SLIT3: variants seen among roughly 807,000 people sequenced by gnomAD.
The protein encoded by SLIT3 is slit homolog 3 protein.
A neutral mutation model predicts 184.0 loss-of-function variants in SLIT3; 68 were observed. That is an observed-to-expected ratio of 0.37 (90% CI 0.30 to 0.45). The LOEUF is 0.45. SLIT3 is among the 20% of genes least tolerant of loss of function. The pLI is 1.00. For missense variants in SLIT3, 1,707 were observed against 2,026.0 expected, an observed-to-expected ratio of 0.84 and a Z score of 3.02; for synonymous variants, 831 against 828.6, an observed-to-expected ratio of 1.00 and a Z score of -0.05.
At chr5:169,262,426 G>C (rs1213697066) in intron 1 of SLIT3, among the ~76,000 whole-genome samples, 5 of 152,136 alleles carry the variant, frequency 3.3e-5, no homozygotes, top group African/African-American at 2.4e-5. Flanking sequence ...TTGAAGGACA[G>C]GCTGAAGGGA....
chr5:169,186,944 G>A (rs1232030459), intron 4 of SLIT3, among the ~76,000 whole-genome samples: 1 of 151,986 alleles, frequency 6.6e-6, no homozygotes, highest in Non-Finnish European at 1.5e-5. Context: ...GGTGCCTGGG[G>A]ATTAACTTTC....
chr5:168,818,749 G>C (rs1280643417), intron 7 of SLIT3, among the ~76,000 whole-genome samples: 1 of 152,210 alleles, frequency 6.6e-6, no homozygotes, highest in Non-Finnish European at 1.5e-5. Flanking sequence ...GCTCCACTTA[G>C]TGTAAGGTCA....
intron 4 of SLIT3, among the ~76,000 whole-genome samples, chr5:169,168,299 A>G (rs1055506258): frequency 6.6e-6 from 1 of 152,234 alleles, no homozygotes; most frequent in African/African-American, 2.4e-5. Context: ...CATTCTTAAT[A>G]AGGTGAAAAA....
In SLIT3 at chr5:168,707,998, C is replaced by G; in HGVS notation, c.2822G>C (p.Cys941Ser). The G allele has an allele frequency of 6.2e-7, 1 of 1,614,158 alleles. No individual in the cohort carries two copies. The highest frequency in any genetic ancestry group is 8.5e-7 in the Non-Finnish European group (1 of 1,180,022). Residue 941 changes from cysteine (C) to serine (S), a missense_variant, in exon 26 of 36, where the codon TGT becomes TCT. This residue lies in a region of SLIT3 where 1,307 missense variants were observed against 1,511.6 expected (regional missense o/e 0.86). Transcript: ENST00000519560. ...TACCTTGTAGCTGTAGGGGCAGGCA[C>G]AGCGGTACAGCTCCACAGGGTCCTG... ...CTQDPVELYR[C>S]ACPYSYKGKD...
At chr5:168,910,104 G>A (rs1405731342) in intron 4 of SLIT3, among the ~76,000 whole-genome samples, 4 of 152,192 alleles carry the variant, frequency 2.6e-5, no homozygotes, top group Non-Finnish European at 5.9e-5. Context: ...CTGAAAACAA[G>A]CTTCTTAAAA....
chr5:169,089,315 G>T (rs77735097), intron 4 of SLIT3, among the ~76,000 whole-genome samples: 11,867 of 152,024 alleles, frequency 0.078, 925 homozygotes, highest in African/African-American at 0.18. Context: ...ACCTCTTCCT[G>T]AGAGTGTCTA....
Position 169,156,948 on chromosome 5 carries a change from A to G in SLIT3, c.413+36531T>C, listed in dbSNP as rs527638165. Among the ~76,000 whole-genome samples, 14 of 152,286 alleles carry G rather than the reference A, an allele frequency of 9.2e-5. No individual in the cohort carries two copies. In the South Asian group the frequency reaches 2.7e-3, roughly 29 times the overall value. The stretch of plus-strand genomic sequence containing the variant: ...TCTCTGGGTTTTCCTTTTGCTTCAT[A>G]TATCTCCAACCTGGCAGCTTAGTAA... On this transcript the variant is annotated intron_variant, in intron 4 of 35. Transcript: ENST00000519560.
At chr5:169,006,605 T>TCTCA (rs899753279) in intron 4 of SLIT3, among the ~76,000 whole-genome samples, 255 of 145,876 alleles carry the variant, frequency 1.7e-3, no homozygotes, top group African/African-American at 4.7e-3. Flanking sequence ...TCTCTCTCTC[T>TCTCA]CACACACACA....
chr5:168,779,282 G>A (rs527499443), intron 12 of SLIT3, among the ~76,000 whole-genome samples: 1 of 152,282 alleles, frequency 6.6e-6, no homozygotes, highest in African/African-American at 2.4e-5. Flanking sequence ...CTCACTAAGA[G>A]CCTAAGGGAG....
intron 4 of SLIT3, among the ~76,000 whole-genome samples, chr5:169,008,666 T>A (rs1756026034): frequency 1.3e-5 from 2 of 152,150 alleles, no homozygotes; most frequent in Non-Finnish European, 2.9e-5. Flanking sequence ...TGTTTTTTTT[T>A]AACTTTTTAA....
intron 3 of SLIT3, among the ~76,000 whole-genome samples, chr5:169,234,139 G>C (rs1422108776): frequency 6.6e-6 from 1 of 152,114 alleles, no homozygotes; most frequent in African/African-American, 2.4e-5. Context: ...AAGTATATTT[G>C]TTGTTCATGT....
intron 10 of SLIT3, among the ~76,000 whole-genome samples, chr5:168,794,930 C>T (rs1172519924): frequency 6.6e-6 from 1 of 152,146 alleles, no homozygotes; most frequent in Non-Finnish European, 1.5e-5. Context: ...AAAAGACACC[C>T]TCCCACCATC....
intron 4 of SLIT3, among the ~76,000 whole-genome samples, chr5:169,106,938 G>A (rs1036707637): frequency 2.6e-5 from 4 of 152,330 alleles, no homozygotes; most frequent in African/African-American, 9.6e-5. Context: ...GCATTCCAAG[G>A]TCACCTGCAT....
intron 4 of SLIT3, among the ~76,000 whole-genome samples, chr5:169,043,365 A>G (rs78280657): frequency 0.021 from 3,194 of 152,302 alleles, 118 homozygotes; most frequent in African/African-American, 0.072. Flanking sequence ...ATATCCACAG[A>G]TTACCCACAA....
chr5:169,221,050 T>C (rs750369451), intron 3 of SLIT3, among the ~76,000 whole-genome samples: 3 of 152,160 alleles, frequency 2.0e-5, no homozygotes, highest in Non-Finnish European at 2.9e-5. Context: ...TTTCTTAGGG[T>C]GGGACACCCC....
At chr5:168,798,223 C>CTTTTTTTTTTTTTTTTTTTTTTT (rs747746239) in intron 9 of SLIT3, among the ~76,000 whole-genome samples, 25 of 109,016 alleles carry the variant, frequency 2.3e-4, no homozygotes, top group African/African-American at 1.0e-3. Flanking sequence ...TCTTCTTCTT[C>CTTTTTTTTTTTTTTTTTTTTTTT]TTTTTTTTTT....
At chr5:169,047,158 G>A (rs917440676) in intron 4 of SLIT3, among the ~76,000 whole-genome samples, 2 of 151,866 alleles carry the variant, frequency 1.3e-5, no homozygotes, top group Non-Finnish European at 2.9e-5. Context: ...CCAACTCAAC[G>A]GGCCCAAAAG....
chr5:169,218,528 G>A (rs956379490), intron 3 of SLIT3, among the ~76,000 whole-genome samples: 7 of 152,194 alleles, frequency 4.6e-5, no homozygotes, highest in East Asian at 1.9e-4. Context: ...GGTGACTGGC[G>A]GGAACATTAA....
intron 32 of SLIT3, among the ~76,000 whole-genome samples, chr5:168,678,781 A>G (rs1761491817): frequency 6.6e-6 from 1 of 152,240 alleles, no homozygotes; most frequent in Non-Finnish European, 1.5e-5. Flanking sequence ...AGAGGAAAAA[A>G]AAGGAAAAAA....
Sources: allele counts gnomAD v4.1 joint callset (sites outside exome capture counted in the v4.1 genomes callset), GRCh38; gene constraint gnomAD v4.1.1; regional missense constraint gnomAD v4.1.1; transcripts MANE v1.5; gene names NCBI Gene and HGNC (gene_info 2026-07-23, HGNC 2026-07-21).